The following GRM7 variants were observed in gnomAD, a reference collection of about 807,000 sequenced individuals.
GRM7 encodes glutamate metabotropic receptor 7.
Under a neutral mutation model 84.5 loss-of-function variants are expected in GRM7, and 35 were observed. That is an observed-to-expected ratio of 0.41 (90% CI 0.32 to 0.55). The LOEUF is 0.55. Among genes scored for constraint, GRM7 ranks in the 20% least tolerant of loss-of-function variants. GRM7 has a pLI of 0.19. For missense variants in GRM7, 1,003 were observed against 1,194.6 expected, an observed-to-expected ratio of 0.84 and a Z score of 2.36; for synonymous variants, 487 against 455.1, an observed-to-expected ratio of 1.07 and a Z score of -0.89.
chr3:7,050,471 ATATCC>A (rs1696954681), intron 1 of GRM7, among the ~76,000 whole-genome samples: 1 of 151,928 alleles, frequency 6.6e-6, no homozygotes, highest in Admixed American at 6.6e-5. Flanking sequence ...AACACATGTT[ATATCC>A]ACTATAGTCA....
intron 7 of GRM7, among the ~76,000 whole-genome samples, chr3:7,543,172 G>A (rs1160296140): frequency 1.3e-5 from 2 of 152,194 alleles, no homozygotes; most frequent in African/African-American, 2.4e-5. Flanking sequence ...CTGGTTTAGA[G>A]CCGAGAGGTT....
At chr3:7,704,345 C>T (rs12488089) in intron 9 of GRM7, among the ~76,000 whole-genome samples, 3,504 of 152,114 alleles carry the variant, frequency 0.023, 73 homozygotes, top group Non-Finnish European at 0.038. Context: ...TAAAAAAATT[C>T]CTGGTCAAGA....
chr3:7,016,154 G>A (rs996032248), intron 1 of GRM7, among the ~76,000 whole-genome samples: 2 of 152,146 alleles, frequency 1.3e-5, no homozygotes. Flanking sequence ...TAGTTCTATT[G>A]TTAGCTGAAT....
chr3:7,584,628 C>T (rs17665904), intron 8 of GRM7, among the ~76,000 whole-genome samples: 34,458 of 151,956 alleles, frequency 0.23, 4,776 homozygotes, highest in Non-Finnish European at 0.29. Context: ...TGCTTGAGTG[C>T]GAAAAGCAGC....
intron 7 of GRM7, among the ~76,000 whole-genome samples, chr3:7,561,089 A>C (rs1034182095): frequency 6.6e-6 from 1 of 152,092 alleles, no homozygotes; most frequent in Non-Finnish European, 1.5e-5. Context: ...TTTATATTGC[A>C]GTTCAACTGA....
At chr3:7,443,595 T>G (rs1478555663) in intron 5 of GRM7, among the ~76,000 whole-genome samples, 1 of 152,174 alleles carries the variant, frequency 6.6e-6, no homozygotes, top group Non-Finnish European at 1.5e-5. Flanking sequence ...GACATTTTCT[T>G]TATTTTCTGC....
intron 1 of GRM7, among the ~76,000 whole-genome samples, chr3:6,988,163 ATTTT>A (rs760807880): frequency 1.0e-5 from 1 of 95,290 alleles, no homozygotes; most frequent in Non-Finnish European, 1.9e-5. Flanking sequence ...CGCCTGGCTA[ATTTT>A]TTTTTTTTTT....
intron 2 of GRM7, among the ~76,000 whole-genome samples, chr3:7,212,056 C>G (rs1696448879): frequency 6.6e-6 from 1 of 152,008 alleles, no homozygotes; most frequent in Non-Finnish European, 1.5e-5. Flanking sequence ...ACCACCTCCT[C>G]AGCCTTTACT....
intron 2 of GRM7, among the ~76,000 whole-genome samples, chr3:7,195,065 A>G (rs980232446): frequency 6.6e-6 from 1 of 152,176 alleles, no homozygotes; most frequent in Admixed American, 6.5e-5. Context: ...GATGTATGCA[A>G]TCAGTCATCC....
intron 9 of GRM7, among the ~76,000 whole-genome samples, chr3:7,688,756 TAA>T (rs1253575453): frequency 1.3e-5 from 2 of 152,178 alleles, no homozygotes; most frequent in African/African-American, 2.4e-5. Flanking sequence ...ACTGTGCTAT[TAA>T]AACTTAGTGT....
rs115219779 is a variant in GRM7 at position 6,976,009 on chromosome 3, T to C, written c.519+114102T>C. Among the ~76,000 whole-genome samples the C allele has an allele frequency of 3.0e-3, 460 of 152,116 alleles. 2 individuals are homozygous for C. The highest frequency in any genetic ancestry group is 0.011 in the African/African-American group (453 of 41,476). On this transcript the variant is annotated intron_variant, in intron 1 of 9. Coordinates refer to ENST00000357716, the MANE Select transcript of GRM7 (RefSeq NM_000844.4). The stretch of plus-strand genomic sequence containing the variant: ...TAGTTACCAAGATTTTAAGATGGAG[T>C]GATTCTACAATTTGGATTTCTAGTG...
At chr3:7,233,311 A>C (rs1697252507) in intron 2 of GRM7, among the ~76,000 whole-genome samples, 2 of 152,146 alleles carry the variant, frequency 1.3e-5, no homozygotes, top group African/African-American at 4.8e-5. Context: ...GATCACTGGT[A>C]AGTTTCTCTA....
At position 7,486,290 on chromosome 3, in the gene GRM7, G is replaced by A. The variant is rs1342869398; in HGVS notation, c.1515+24568G>A. The stretch of plus-strand genomic sequence containing the variant: ...CCAAGAAATGATGGTAATGATAATG[G>A]CGATGATGGTGATAAAAGGTAGGAA... On this transcript the variant is annotated intron_variant, in intron 7 of 9. Transcript: ENST00000357716. The surrounding 1 kb of genome is among the most constrained non-coding windows in gnomAD (Gnocchi z 5.5). 2.6e-5 allele frequency among the ~76,000 whole-genome samples: 4 copies of A among 151,980 alleles called. No homozygotes were observed. The highest frequency in any genetic ancestry group is 4.4e-5 in the Non-Finnish European group (3 of 68,006).
chr3:7,200,422 T>C (rs539444421), intron 2 of GRM7, among the ~76,000 whole-genome samples: 19 of 152,360 alleles, frequency 1.2e-4, no homozygotes, highest in African/African-American at 3.8e-4. Context: ...TCTCAGATTT[T>C]AATGTGCCTA....
chr3:7,029,300 T>TAA (rs1696097063), intron 1 of GRM7, among the ~76,000 whole-genome samples: 1 of 71,268 alleles, frequency 1.4e-5, no homozygotes. Context: ...AGACTCTGCC[T>TAA]CAAAAAAAAA....
chr3:7,477,513 TGA>T (rs983876640), intron 7 of GRM7, among the ~76,000 whole-genome samples: 5 of 152,138 alleles, frequency 3.3e-5, no homozygotes, highest in Admixed American at 6.6e-5. Context: ...AAGACATTCA[TGA>T]GTATGTGACC....
At chr3:7,477,309 C>G (rs1028072664) in intron 7 of GRM7, among the ~76,000 whole-genome samples, 24 of 152,106 alleles carry the variant, frequency 1.6e-4, no homozygotes, top group African/African-American at 5.3e-4. Flanking sequence ...CAAAGTCTTA[C>G]TAGATCTTAC....
intron 9 of GRM7, among the ~76,000 whole-genome samples, chr3:7,712,599 T>C (rs1020917930): frequency 2.0e-5 from 3 of 151,928 alleles, no homozygotes; most frequent in Admixed American, 1.3e-4. Context: ...ATCTCACCTT[T>C]GTTAAGTATT....
At chr3:7,673,660 G>A in intron 8 of GRM7, among the ~76,000 whole-genome samples, 1 of 152,128 alleles carries the variant, frequency 6.6e-6, no homozygotes, top group East Asian at 1.9e-4. Context: ...TCATGGAAGT[G>A]GATGCCAGCA....
Sources: gnomAD v4.1 joint callset for allele counts (sites outside exome capture counted in the v4.1 genomes callset) on GRCh38, gnomAD v4.1.1 for gene constraint, Gnocchi (gnomAD v3.1) non-coding constraint, MANE v1.5 for transcripts, NCBI Gene and HGNC (gene_info 2026-07-23, HGNC 2026-07-21) for gene names.